NRG1: variants seen among roughly 807,000 people sequenced by gnomAD.
The protein encoded by NRG1 is pro-neuregulin-1, membrane-bound isoform.
A neutral mutation model predicts 63.8 loss-of-function variants in NRG1; 18 were observed. That is an observed-to-expected ratio of 0.28 (90% confidence interval 0.19 to 0.42). The LOEUF is 0.42. Ranked by LOEUF, NRG1 falls within the 10% of genes least tolerant of loss-of-function variation. The pLI, the probability that NRG1 is intolerant of heterozygous loss-of-function variation, is 1.00. For synonymous variants in NRG1, 302 were observed against 301.3 expected (o/e 1.00, Z -0.02); for missense variants, 762 against 814.7 (o/e 0.94, Z 0.79).
chr8:31,958,237 A>G (rs770795332), intron 1 of NRG1, among the ~76,000 whole-genome samples: 2 of 152,234 alleles, frequency 1.3e-5, no homozygotes, highest in African/African-American at 4.8e-5. Flanking sequence ...TGAACATCCA[A>G]TAAAAACCTG....
At position 31,879,009 on chromosome 8, in the gene NRG1, A is replaced by C. The variant is rs1383885; in HGVS notation, c.37+239578A>C. Among the ~76,000 whole-genome samples the C allele has an allele frequency of 3.6e-3, 552 of 152,236 alleles. 5 individuals carry two copies. Among genetic ancestry groups the C allele is most frequent in the African/African-American group, 0.013 (520 of 41,536 alleles). ...AGCAAGACTCCATCTCAAGAAAAAA[A>C]AAACAAACAAACAAAAAAAGGAAGT... On this transcript the variant is annotated intron_variant, in intron 1 of 10. Transcript: ENST00000519301.
At chr8:31,963,684 C>G (rs1805845950) in intron 1 of NRG1, among the ~76,000 whole-genome samples, 1 of 152,120 alleles carries the variant, frequency 6.6e-6, no homozygotes, top group Non-Finnish European at 1.5e-5. Flanking sequence ...TTATTTCATC[C>G]TCACAGGTGT....
At chr8:32,148,852 A>G (rs2131806883) in intron 1 of NRG1, among the ~76,000 whole-genome samples, 1 of 152,324 alleles carries the variant, frequency 6.6e-6, no homozygotes, top group African/African-American at 2.4e-5. Flanking sequence ...ATATGTATTA[A>G]GTCATTTGCT....
chr8:32,586,668 T>G (rs994938636), intron 1 of NRG1, among the ~76,000 whole-genome samples: 1 of 152,196 alleles, frequency 6.6e-6, no homozygotes, highest in Admixed American at 6.5e-5. Flanking sequence ...TAAGTTTTGG[T>G]TCTGCAACTT....
At chr8:32,057,093 A>C (rs961586121) in intron 1 of NRG1, among the ~76,000 whole-genome samples, 1 of 152,184 alleles carries the variant, frequency 6.6e-6, no homozygotes, top group African/African-American at 2.4e-5. Flanking sequence ...CTTCTTCACC[A>C]TAAAGATGGC....
At chr8:31,738,191 G>T (rs1814889079) in intron 1 of NRG1, among the ~76,000 whole-genome samples, 1 of 152,060 alleles carries the variant, frequency 6.6e-6, no homozygotes, top group Admixed American at 6.6e-5. Context: ...CGGCCACGGA[G>T]AAATGAAAAC....
intron 1 of NRG1, among the ~76,000 whole-genome samples, chr8:32,376,022 G>A (rs1028902434): frequency 2.6e-5 from 4 of 152,122 alleles, no homozygotes; most frequent in African/African-American, 7.2e-5. Context: ...TTACGATTCA[G>A]CAGACTAACC....
At chr8:32,347,288 A>G (rs1805034466) in intron 1 of NRG1, among the ~76,000 whole-genome samples, 1 of 152,116 alleles carries the variant, frequency 6.6e-6, no homozygotes, top group Non-Finnish European at 1.5e-5. Context: ...CCCATTAACC[A>G]ACTGTTATTT....
chr8:32,015,833 C>T (rs965547524), intron 1 of NRG1, among the ~76,000 whole-genome samples: 11 of 151,520 alleles, frequency 7.3e-5, no homozygotes, highest in South Asian at 2.1e-4. Context: ...GCTTCCTCAA[C>T]GTAGAAGTTT....
chr8:31,965,615 T>C (rs368724292), intron 1 of NRG1, among the ~76,000 whole-genome samples: 53 of 152,342 alleles, frequency 3.5e-4, no homozygotes, highest in East Asian at 1.4e-3. Context: ...TTTTAGTTCC[T>C]TGAGATATCT....
chr8:32,211,924 A>G (rs1844742093), intron 1 of NRG1, among the ~76,000 whole-genome samples: 1 of 152,172 alleles, frequency 6.6e-6, no homozygotes, highest in African/African-American at 2.4e-5. Flanking sequence ...TATTTTTTAC[A>G]ATTATATCTT....
At chr8:32,037,393 C>T (rs759991675) in intron 1 of NRG1, among the ~76,000 whole-genome samples, 8 of 152,180 alleles carry the variant, frequency 5.3e-5, no homozygotes, top group African/African-American at 1.2e-4. Context: ...GAAGTCTCAC[C>T]GACTCAGGAG....
chr8:32,191,007 A>G (rs1394268853), intron 1 of NRG1, among the ~76,000 whole-genome samples: 1 of 152,198 alleles, frequency 6.6e-6, no homozygotes, highest in Non-Finnish European at 1.5e-5. Context: ...AGTTGGAGAC[A>G]ATACTTCTGT....
chr8:31,693,870 C>A (rs1809782645), intron 1 of NRG1, among the ~76,000 whole-genome samples: 1 of 152,180 alleles, frequency 6.6e-6, no homozygotes, highest in African/African-American at 2.4e-5. Context: ...CAGGCTGTCA[C>A]TGTGTTGCCC....
intron 1 of NRG1, among the ~76,000 whole-genome samples, chr8:32,096,652 G>A (rs2131320384): frequency 6.6e-6 from 1 of 152,298 alleles, no homozygotes; most frequent in East Asian, 1.9e-4. Flanking sequence ...GCCCGTATGT[G>A]CAGAGATTAC....
At chr8:32,427,577 C>T (rs900210764) in intron 1 of NRG1, among the ~76,000 whole-genome samples, 9 of 152,118 alleles carry the variant, frequency 5.9e-5, no homozygotes, top group African/African-American at 1.4e-4. Flanking sequence ...TTATTACATG[C>T]GTGACTTGAT....
intron 5 of NRG1, among the ~76,000 whole-genome samples, chr8:32,685,308 G>A (rs1715313824): frequency 6.6e-6 from 1 of 152,134 alleles, no homozygotes; most frequent in African/African-American, 2.4e-5. Context: ...GAGTCACAGC[G>A]TGGTGGGGCC....
At chr8:31,844,629 C>G (rs1826499756) in intron 1 of NRG1, among the ~76,000 whole-genome samples, 1 of 152,096 alleles carries the variant, frequency 6.6e-6, no homozygotes, top group Non-Finnish European at 1.5e-5. Context: ...TTCTGCTGCC[C>G]CTTTGAGCAT....
intron 1 of NRG1, among the ~76,000 whole-genome samples, chr8:31,763,203 A>G (rs925838367): frequency 6.6e-6 from 1 of 152,244 alleles, no homozygotes; most frequent in African/African-American, 2.4e-5. Flanking sequence ...ATAAACCTAC[A>G]GCAAACAACA....
Sources: allele counts gnomAD v4.1 joint callset (sites outside exome capture counted in the v4.1 genomes callset), GRCh38; gene constraint gnomAD v4.1.1; transcripts MANE v1.5; gene names NCBI Gene and HGNC (gene_info 2026-07-23, HGNC 2026-07-21).